The following GNAQ variants were observed in gnomAD, a reference collection of about 807,000 sequenced individuals.
GNAQ encodes the protein G protein subunit alpha q.
A neutral mutation model predicts 43.9 loss-of-function variants in GNAQ; 8 were observed. That is an observed-to-expected ratio of 0.18 (90% CI 0.11 to 0.33). GNAQ has a LOEUF of 0.33. GNAQ is among the 10% of genes least tolerant of loss of function. The pLI is 1.00. For missense variants in GNAQ, 158 were observed against 450.8 expected (o/e 0.35, Z 5.88); for synonymous variants, 155 against 170.7 (o/e 0.91, Z 0.71).
intron 1 of GNAQ, among the ~76,000 whole-genome samples, chr9:77,924,150 A>C (rs530682568): frequency 6.6e-6 from 1 of 152,330 alleles, no homozygotes; most frequent in Admixed American, 6.5e-5. Context: ...TGTAATGTGA[A>C]TGCTATCACC....
intron 2 of GNAQ, among the ~76,000 whole-genome samples, chr9:77,857,652 GAGGGAAGGA>G (rs1198477273): frequency 1.8e-5 from 2 of 113,588 alleles, no homozygotes; most frequent in African/African-American, 8.0e-5. Context: ...AGGGGGGAAG[GAGGGAAGGA>G]GGGGAAGGAG....
chr9:77,993,812 C>T (rs1426015911), intron 1 of GNAQ, among the ~76,000 whole-genome samples: 1 of 152,024 alleles, frequency 6.6e-6, no homozygotes, highest in East Asian at 1.9e-4. Flanking sequence ...TTCAAGACTA[C>T]TTTAAATATA....
At chr9:77,951,035 G>A (rs2118381174) in intron 1 of GNAQ, among the ~76,000 whole-genome samples, 1 of 148,872 alleles carries the variant, frequency 6.7e-6, no homozygotes, top group East Asian at 2.0e-4. Context: ...CTTCACCCCA[G>A]TATACTTTGT....
intron 2 of GNAQ, among the ~76,000 whole-genome samples, chr9:77,816,518 T>C (rs1827018321): frequency 1.3e-5 from 2 of 152,318 alleles, no homozygotes; most frequent in East Asian, 1.9e-4. Flanking sequence ...GAAAATATTT[T>C]ATGGTCAACC....
chr9:77,723,269 T>C (rs1039908427), intron 6 of GNAQ, among the ~76,000 whole-genome samples: 11 of 152,202 alleles, frequency 7.2e-5, no homozygotes, highest in Admixed American at 2.0e-4. Context: ...ATGGAGAGAT[T>C]TGTACTCTTG....
At chr9:77,884,017 A>G (rs1236984399) in intron 2 of GNAQ, among the ~76,000 whole-genome samples, 3 of 152,248 alleles carry the variant, frequency 2.0e-5, no homozygotes, top group Admixed American at 1.3e-4. Context: ...CTCAAAACAG[A>G]AATGGAGGGA....
chr9:77,743,817 A>G (rs1825691505), intron 5 of GNAQ, among the ~76,000 whole-genome samples: 1 of 152,208 alleles, frequency 6.6e-6, no homozygotes, highest in Admixed American at 6.5e-5. Context: ...TAAGGTTTGA[A>G]TAAGTGATTA....
chr9:77,954,079 C>T (rs1823013912), intron 1 of GNAQ, among the ~76,000 whole-genome samples: 1 of 152,196 alleles, frequency 6.6e-6, no homozygotes, highest in African/African-American at 2.4e-5. Flanking sequence ...AAAACTGTTT[C>T]ATTTCCTTAT....
intron 2 of GNAQ, among the ~76,000 whole-genome samples, chr9:77,894,823 A>G (rs1828473543): frequency 6.6e-6 from 1 of 151,182 alleles, no homozygotes; most frequent in Non-Finnish European, 1.5e-5. Context: ...GTGTTTATTT[A>G]TATAATAAAC....
chr9:77,987,471 C>CCACTAATAGAAGCTAAAAGGACTGGA, intron 1 of GNAQ, among the ~76,000 whole-genome samples: 1 of 152,170 alleles, frequency 6.6e-6, no homozygotes, highest in Non-Finnish European at 1.5e-5. Context: ...GGACTGGACA[C>CCACTAATAGAAGCTAAAAGGACTGGA]CACTAATCTA....
chr9:77,830,351 A>C (rs1827278631), intron 2 of GNAQ, among the ~76,000 whole-genome samples: 1 of 152,174 alleles, frequency 6.6e-6, no homozygotes, highest in Non-Finnish European at 1.5e-5. Context: ...CACAGAGAGA[A>C]AATATCAAAA....
At chr9:77,738,919 G>A (rs75333262) in intron 5 of GNAQ, among the ~76,000 whole-genome samples, 10,444 of 151,702 alleles carry the variant, frequency 0.069, 770 homozygotes, top group East Asian at 0.25. Context: ...GGGCTTAACT[G>A]TACTTCTACT....
intron 2 of GNAQ, among the ~76,000 whole-genome samples, chr9:77,854,471 G>T (rs1827719965): frequency 6.6e-6 from 1 of 152,202 alleles, no homozygotes; most frequent in African/African-American, 2.4e-5. Flanking sequence ...TGGCAGTGAT[G>T]CTCATGCTTG....
chr9:77,756,018 G>A (rs1210959422), intron 5 of GNAQ, among the ~76,000 whole-genome samples: 6 of 152,084 alleles, frequency 3.9e-5, no homozygotes, highest in South Asian at 2.1e-4. Flanking sequence ...CAGTGCAGCC[G>A]GAATCAAAGC....
rs759509522 is a variant in GNAQ, at chr9:77,975,682, C to T, written c.137-53337G>A. Among the ~76,000 whole-genome samples, 5 of 151,834 alleles carry T rather than the reference C, an allele frequency of 3.3e-5. No individual in the cohort carries two copies. In the East Asian group the frequency reaches 5.8e-4, roughly 18 times the overall value. On this transcript the variant is annotated intron_variant, in intron 1 of 6. Coordinates refer to ENST00000286548, the MANE Select transcript of GNAQ (RefSeq NM_002072.5). The stretch of plus-strand genomic sequence containing the variant: ...AGCTTCCCGAGTAGTTGGGATTACA[C>T]GCGCACACCACCATGCCCAGCTAAT...
At chr9:77,735,683 G>A (rs1294329825) in intron 5 of GNAQ, among the ~76,000 whole-genome samples, 2 of 152,176 alleles carry the variant, frequency 1.3e-5, no homozygotes, top group South Asian at 2.1e-4. Context: ...TTGTTGGGGC[G>A]GGAGGTGGGA....
At position 77,815,752 on chromosome 9, in the gene GNAQ, G is replaced by C. The variant is rs759080789; in HGVS notation, c.340C>G (p.Arg114Gly). The change falls in exon 3 of 7, where the codon CGA becomes GGA. Residue 114 changes from arginine (R) to glycine (G), a missense_variant. This residue lies in a region of GNAQ where 57 missense variants were observed against 78.2 expected (regional missense o/e 0.73). Transcript: ENST00000286548. Reference protein sequence around the residue: ...EHNKAHAQLVREVDVEKVSAF... With the variant: ...EHNKAHAQLVGEVDVEKVSAF... ...GACACCTTCTCCACATCAACTTCTC[G>C]AACTAATTGTGCATGAGCCTGTTTA... The C allele has an allele frequency of 6.2e-7, 1 of 1,611,084 alleles. No individual in the cohort carries two copies. Among genetic ancestry groups the C allele is most frequent in the Non-Finnish European group, 8.5e-7 (1 of 1,177,974 alleles).
chr9:77,800,420 G>A (rs1826723950), intron 3 of GNAQ, among the ~76,000 whole-genome samples: 1 of 152,020 alleles, frequency 6.6e-6, no homozygotes, highest in Non-Finnish European at 1.5e-5. Context: ...CATGTCCTTT[G>A]TAGGGACATG....
At chr9:77,924,539 C>T (rs1195401925) in intron 1 of GNAQ, among the ~76,000 whole-genome samples, 1 of 152,124 alleles carries the variant, frequency 6.6e-6, no homozygotes, top group Non-Finnish European at 1.5e-5. Flanking sequence ...TTTTTATATA[C>T]TTATCACTAC....
Sources: gnomAD v4.1 joint callset for allele counts (sites outside exome capture counted in the v4.1 genomes callset) on GRCh38, gnomAD v4.1.1 for gene constraint, gnomAD v4.1.1 regional missense constraint, MANE v1.5 for transcripts, NCBI Gene and HGNC (gene_info 2026-07-23, HGNC 2026-07-21) for gene names.